The following SNAP91 variants were observed in gnomAD, a reference collection of about 807,000 sequenced individuals.
SNAP91 encodes clathrin coat assembly protein AP180.
SNAP91 carries 27 observed loss-of-function variants against 100.3 expected under a neutral mutation model. The observed-to-expected ratio is 0.27, with a 90% CI of 0.20 to 0.37. The LOEUF is 0.37. Ranked by LOEUF, SNAP91 falls within the 10% of genes least tolerant of loss-of-function variation. The pLI, the probability that SNAP91 is intolerant of heterozygous loss-of-function variation, is 1.00. For missense variants in SNAP91, 986 were observed against 1,123.7 expected (o/e 0.88, Z 1.75); for synonymous variants, 404 against 398.6 (o/e 1.01, Z -0.16).
chr6:83,652,072 C>T (rs2098231102), intron 7 of SNAP91, among the ~76,000 whole-genome samples: 2 of 152,120 alleles, frequency 1.3e-5, no homozygotes, highest in South Asian at 4.1e-4. Context: ...TCTCTCTACT[C>T]TTAATTTATG....
chr6:83,662,291 C>T, intron 4 of SNAP91, 56 bp downstream of exon 4: 2 of 659,892 alleles, frequency 3.0e-6, no homozygotes, highest in East Asian at 3.2e-5. Context: ...GGATTAATAG[C>T]CTCACTTCAA....
Position 83,702,735 on chromosome 6 carries a change from C to T in SNAP91, c.130+5063G>A, listed in dbSNP as rs1462503988. On this transcript the variant is annotated intron_variant, in intron 2 of 29. Transcript: ENST00000369694. The stretch of plus-strand genomic sequence containing the variant: ...GAAAAAAAAAAAATCTAAAGTGACC[C>T]AAATATATTTAACATTATACCATTA... Among the ~76,000 whole-genome samples the T allele has an allele frequency of 2.6e-5, 4 of 151,266 alleles. No individual in the cohort carries two copies. The East Asian group carries it at 7.7e-4, about 29-fold the overall frequency.
intron 8 of SNAP91, among the ~76,000 whole-genome samples, chr6:83,631,707 C>T (rs1276179267): frequency 1.3e-5 from 2 of 151,980 alleles, no homozygotes; most frequent in Admixed American, 1.3e-4. Context: ...CACCCCTTTA[C>T]CTTAAGTTTG....
intron 14 of SNAP91, among the ~76,000 whole-genome samples, chr6:83,605,149 T>A (rs1213269883): frequency 1.2e-5 from 1 of 80,194 alleles, no homozygotes; most frequent in Non-Finnish European, 2.4e-5. Flanking sequence ...GTGATTCCTC[T>A]CAGTCAATCA....
At chr6:83,564,720 G>A (rs1175818075) in intron 26 of SNAP91, among the ~76,000 whole-genome samples, 3 of 151,704 alleles carry the variant, frequency 2.0e-5, no homozygotes, top group African/African-American at 4.8e-5. Context: ...CATGCAAAAC[G>A]ATAAATTTGG....
chr6:83,671,329 G>T (rs2098782695), intron 2 of SNAP91, among the ~76,000 whole-genome samples: 1 of 152,032 alleles, frequency 6.6e-6, no homozygotes, highest in Non-Finnish European at 1.5e-5. Context: ...AAATATAAAT[G>T]ATTTCTGTAT....
intron 11 of SNAP91, among the ~76,000 whole-genome samples, chr6:83,614,415 T>C (rs2096350041): frequency 1.3e-5 from 2 of 152,182 alleles, no homozygotes; most frequent in African/African-American, 4.8e-5. Flanking sequence ...TTGCAAATGC[T>C]TCAATTTATG....
chr6:83,705,355 C>G (rs183607618), intron 2 of SNAP91, among the ~76,000 whole-genome samples: 1 of 152,024 alleles, frequency 6.6e-6, no homozygotes, highest in Non-Finnish European at 1.5e-5. Context: ...AATATGTACG[C>G]GGATTTTGAT....
At chr6:83,660,678 A>C (rs1420742240) in intron 5 of SNAP91, among the ~76,000 whole-genome samples, 1 of 152,070 alleles carries the variant, frequency 6.6e-6, no homozygotes, top group Non-Finnish European at 1.5e-5. Context: ...GTGTGTTTAT[A>C]TATGTGTTTT....
At chr6:83,655,290 G>C (rs1441534377) in intron 7 of SNAP91, among the ~76,000 whole-genome samples, 1 of 152,208 alleles carries the variant, frequency 6.6e-6, no homozygotes, top group East Asian at 1.9e-4. Context: ...GCAACATAGA[G>C]GACATGTGTA....
At chr6:83,582,119 A>G (rs1304691516) in intron 23 of SNAP91, 103 bp downstream of exon 23, 1 of 1,273,352 alleles carries the variant, frequency 7.9e-7, no homozygotes, top group East Asian at 2.3e-5. Context: ...TTATCACTCA[A>G]TATTTGCTTG....
At chr6:83,676,820 T>C (rs981332793) in intron 2 of SNAP91, among the ~76,000 whole-genome samples, 1 of 152,128 alleles carries the variant, frequency 6.6e-6, no homozygotes, top group African/African-American at 2.4e-5. Context: ...AAAGAGGTTA[T>C]TTTAATAGTT....
At chr6:83,691,605 T>C (rs2099131095) in intron 2 of SNAP91, among the ~76,000 whole-genome samples, 1 of 152,162 alleles carries the variant, frequency 6.6e-6, no homozygotes, top group African/African-American at 2.4e-5. Flanking sequence ...GTCTCCTTGT[T>C]GGCATTTACG....
At chr6:83,629,828 A>G (rs1238867469) in intron 8 of SNAP91, among the ~76,000 whole-genome samples, 1 of 151,842 alleles carries the variant, frequency 6.6e-6, no homozygotes, top group East Asian at 1.9e-4. Context: ...CCTCTTTACC[A>G]ATTTGGATGC....
intron 2 of SNAP91, among the ~76,000 whole-genome samples, chr6:83,691,687 C>A (rs2099132317): frequency 6.6e-6 from 1 of 152,094 alleles, no homozygotes; most frequent in Non-Finnish European, 1.5e-5. Flanking sequence ...TAAAGTCACT[C>A]CATATATGTT....
chr6:83,707,901 C>A lies in SNAP91; in HGVS notation c.27G>T (p.Arg9=). ...TAACGCTGTACTGAGCGGCGGCGAT[C>A]CGATCCGTGAGCGTTTGGCCCGACA... is the stretch of plus-strand genomic sequence containing the variant. MSGQTLTD[R]IAAAQYSVTG... Residue 9 remains arginine, a synonymous_variant, in exon 2 of 30, where the codon CGG becomes CGT. Coordinates refer to ENST00000369694, the MANE Select transcript of SNAP91 (RefSeq NM_001242792.2). 6.3e-7 allele frequency: 1 copy of A among 1,593,508 alleles called. No homozygotes were observed.
chr6:83,622,760 A>G (rs2128411470), intron 9 of SNAP91, among the ~76,000 whole-genome samples: 1 of 151,480 alleles, frequency 6.6e-6, no homozygotes, highest in African/African-American at 2.4e-5. Flanking sequence ...GTCATTTACT[A>G]GATGGGCTCC....
chr6:83,661,558 A>G lies in SNAP91; in HGVS notation c.396T>C (p.Asn132=), dbSNP rs1332555388. The part of the protein sequence containing the change: ...TFIRRYSRYL[N]EKAFSYRQMA... ...TCTGTCTGTAAGAAAAAGCCTTTTCATTCAAATATCTACTATAGCGCCTTA... is the reference window on the plus strand; with the variant it reads ...TCTGTCTGTAAGAAAAAGCCTTTTCGTTCAAATATCTACTATAGCGCCTTA... Residue 132 remains asparagine (N), a synonymous_variant, in exon 5 of 30, where the codon AAT becomes AAC. Coordinates refer to ENST00000369694, the MANE Select transcript of SNAP91 (RefSeq NM_001242792.2). The G allele has an allele frequency of 1.2e-6, 2 of 1,611,300 alleles. No homozygotes were observed. Among genetic ancestry groups the G allele is most frequent in the South Asian group, 1.1e-5 (1 of 90,634 alleles).
intron 7 of SNAP91, among the ~76,000 whole-genome samples, chr6:83,654,112 A>C (rs1202437187): frequency 6.6e-6 from 1 of 152,130 alleles, no homozygotes; most frequent in Non-Finnish European, 1.5e-5. Context: ...GGTGCTCTCT[A>C]TGACTGGGTT....
Sources: allele counts gnomAD v4.1 joint callset (sites outside exome capture counted in the v4.1 genomes callset), GRCh38; gene constraint gnomAD v4.1.1; transcripts MANE v1.5; gene names NCBI Gene and HGNC (gene_info 2026-07-23, HGNC 2026-07-21).